PUM1: variants seen among roughly 807,000 people sequenced by gnomAD.
PUM1 encodes the protein pumilio homolog 1.
PUM1 carries 13 observed loss-of-function variants against 131.8 expected under a neutral mutation model. The observed-to-expected ratio is 0.10, with a 90% CI of 0.06 to 0.16. PUM1 has a LOEUF of 0.16. PUM1 is among the 10% of genes least tolerant of loss of function. The pLI is 1.00. For missense variants in PUM1, 961 were observed against 1,512.4 expected (o/e 0.64, Z 6.05); for synonymous variants, 509 against 556.5 (o/e 0.91, Z 1.20).
intron 2 of PUM1, among the ~76,000 whole-genome samples, chr1:31,038,984 A>ATTTTTTTTTTTT (rs35507851): frequency 6.1e-5 from 3 of 49,420 alleles, no homozygotes; most frequent in East Asian, 6.6e-4. Context: ...ATATATATAT[A>ATTTTTTTTTTTT]TTTTTTTTTT....
chr1:30,992,250 A>T, intron 7 of PUM1, 140 bp downstream of exon 7: 1 of 1,140,230 alleles, frequency 8.8e-7, no homozygotes, highest in Non-Finnish European at 1.2e-6. Flanking sequence ...GTAAACCTAC[A>T]TCACTAACAG....
At chr1:31,033,801 C>T (rs949041167) in intron 2 of PUM1, among the ~76,000 whole-genome samples, 2 of 152,122 alleles carry the variant, frequency 1.3e-5, no homozygotes, top group African/African-American at 4.8e-5. Flanking sequence ...CACCACCACA[C>T]CCAGCTAATT....
intron 2 of PUM1, among the ~76,000 whole-genome samples, chr1:31,033,351 T>C (rs1397018598): frequency 6.6e-6 from 1 of 150,422 alleles, no homozygotes; most frequent in African/African-American, 2.4e-5. Flanking sequence ...ACTATAGGTA[T>C]GTGCCACCAC....
At chr1:30,979,226 G>A (rs1356833878) in intron 9 of PUM1, among the ~76,000 whole-genome samples, 1 of 152,058 alleles carries the variant, frequency 6.6e-6, no homozygotes, top group East Asian at 1.9e-4. Context: ...GCACTTCACA[G>A]GCAAAGAATG....
intron 17 of PUM1, among the ~76,000 whole-genome samples, chr1:30,948,483 G>T (rs1331258948): frequency 6.6e-6 from 1 of 152,028 alleles, no homozygotes; most frequent in Non-Finnish European, 1.5e-5. Flanking sequence ...ACGACAGCTG[G>T]GTATGGTATC....
intron 3 of PUM1, among the ~76,000 whole-genome samples, chr1:31,014,877 T>C (rs1642756583): frequency 6.6e-6 from 1 of 151,966 alleles, no homozygotes; most frequent in Admixed American, 6.6e-5. Context: ...CCCACACCTA[T>C]AATCCCAGCA....
chr1:31,024,357 T>C (rs1643148358), intron 3 of PUM1, among the ~76,000 whole-genome samples: 1 of 152,232 alleles, frequency 6.6e-6, no homozygotes, highest in South Asian at 2.1e-4. Flanking sequence ...AAGTACTATA[T>C]AATGTCTAAT....
intron 3 of PUM1, among the ~76,000 whole-genome samples, chr1:31,015,903 C>G (rs1642800237): frequency 6.6e-6 from 1 of 151,142 alleles, no homozygotes; most frequent in South Asian, 2.1e-4. Flanking sequence ...GAACTCCTGA[C>G]CTCAGGTGAT....
At chr1:30,950,698 A>G (rs1639897890) in intron 16 of PUM1, among the ~76,000 whole-genome samples, 1 of 152,198 alleles carries the variant, frequency 6.6e-6, no homozygotes, top group Admixed American at 6.5e-5. Context: ...TGCCTCTACT[A>G]AAAACACAAA....
At chr1:30,944,656 T>C (rs1380216433) in intron 18 of PUM1, among the ~76,000 whole-genome samples, 4 of 152,346 alleles carry the variant, frequency 2.6e-5, no homozygotes, top group East Asian at 1.9e-4. Flanking sequence ...TTTAAAGATA[T>C]ATTCACACAT....
At chr1:30,961,601 A>G (rs1640410766) in intron 14 of PUM1, among the ~76,000 whole-genome samples, 1 of 152,118 alleles carries the variant, frequency 6.6e-6, no homozygotes, top group African/African-American at 2.4e-5. Context: ...GTAATGAAAA[A>G]CCATGCCACT....
chr1:31,034,599 A>G (rs1222244097), intron 2 of PUM1, among the ~76,000 whole-genome samples: 1 of 152,224 alleles, frequency 6.6e-6, no homozygotes, highest in African/African-American at 2.4e-5. Flanking sequence ...TGCCCTTTAA[A>G]AAAACAGAAA....
chr1:30,951,209 T>C (rs149165450), intron 16 of PUM1, among the ~76,000 whole-genome samples: 227 of 152,338 alleles, frequency 1.5e-3, no homozygotes, highest in Middle Eastern at 6.8e-3. Flanking sequence ...CTATAATCCA[T>C]TGTACATTTT....
intron 14 of PUM1, among the ~76,000 whole-genome samples, chr1:30,955,817 A>G (rs561307350): frequency 7.2e-4 from 110 of 152,380 alleles, no homozygotes; most frequent in African/African-American, 2.4e-3. Flanking sequence ...CTGGGTCTCA[A>G]TCAAAGTGAT....
rs1350753249 is a variant in PUM1, at chr1:31,065,656, T to C, written c.-52A>G. On this transcript the variant is annotated 5_prime_UTR_variant, in exon 1 of 22. Transcript: ENST00000426105. ...ATGAAGATGGATTTCAGCCCCCCGA[T>C]CTTCTCTCTCTGGCGCTCTCGCTCC... 5.2e-6 allele frequency: 8 copies of C among 1,549,700 alleles called. No homozygotes were observed. The highest frequency in any genetic ancestry group is 7.0e-6 in the Non-Finnish European group (8 of 1,146,838).
At position 30,983,083 on chromosome 1, in the gene PUM1, G is replaced by GA. The variant is rs1641413867; in HGVS notation, c.1159-1679dup. 2.0e-5 allele frequency among the ~76,000 whole-genome samples: 3 copies of GA among 152,326 alleles called. No homozygotes were observed. The South Asian group carries it at 6.2e-4, about 32-fold the overall frequency. On this transcript the variant is annotated intron_variant, in intron 7 of 21. Coordinates refer to ENST00000426105, the MANE Select transcript of PUM1 (RefSeq NM_001020658.2). ...CATTATCAAAACATTTGTCCTCCAG[G>GA]AAGGGAGCCAGTCAAGACTATTTGG...
intron 7 of PUM1, among the ~76,000 whole-genome samples, chr1:30,981,687 C>T (rs886346099): frequency 3.9e-5 from 6 of 151,928 alleles, no homozygotes; most frequent in African/African-American, 1.5e-4. Context: ...CTCTCACACA[C>T]ACACACACAC....
rs1639469789 is a variant in PUM1, at chr1:30,942,194, T to C, written c.2995-71A>G. On this transcript the variant is annotated intron_variant, in intron 18 of 21. Coordinates refer to ENST00000426105, the MANE Select transcript of PUM1 (RefSeq NM_001020658.2). ...ACCTTCAATGCTTCAGTATTGTTTATATATATATATATATATATATATATA... is the reference window on the plus strand; with the variant it reads ...ACCTTCAATGCTTCAGTATTGTTTACATATATATATATATATATATATATA... 5 of 163,704 alleles carry C rather than the reference T, an allele frequency of 3.1e-5. No individual in the cohort carries two copies. The South Asian group carries it at 4.1e-4, about 13-fold the overall frequency. The allele number at this position is 163,704 out of a possible 1,614,324, so 10.1% of individuals were successfully genotyped here.
chr1:30,965,484 C>T (rs1194030818), intron 13 of PUM1, among the ~76,000 whole-genome samples: 1 of 152,148 alleles, frequency 6.6e-6, no homozygotes, highest in African/African-American at 2.4e-5. Flanking sequence ...TACACTCCTG[C>T]TTTTTTCATC....
Sources: gnomAD v4.1 joint callset for allele counts (sites outside exome capture counted in the v4.1 genomes callset) on GRCh38, gnomAD v4.1.1 for gene constraint, MANE v1.5 for transcripts, NCBI Gene and HGNC (gene_info 2026-07-23, HGNC 2026-07-21) for gene names.